Variants in SEM1 observed in about 807,000 individuals in gnomAD.
The protein encoded by SEM1 is SEM1 26S proteasome subunit, also known as 26S proteasome complex subunit SEM1.
SEM1 carries 3 observed loss-of-function variants against 12.7 expected under a neutral mutation model. That is an observed-to-expected ratio of 0.24 (90% CI 0.11 to 0.61). The LOEUF (loss-of-function observed/expected upper bound fraction) is 0.61. Among genes scored for constraint, SEM1 ranks in the 20% least tolerant of loss-of-function variants. The pLI, the probability that SEM1 is intolerant of heterozygous loss-of-function variation, is 0.88. For missense variants in SEM1, 59 were observed against 81.3 expected, an observed-to-expected ratio of 0.73 and a Z score of 1.06; for synonymous variants, 30 against 27.8, an observed-to-expected ratio of 1.08 and a Z score of -0.25.
intron 2 of SEM1, among the ~76,000 whole-genome samples, chr7:96,661,610 G>A (rs1789003022): frequency 6.6e-6 from 1 of 151,938 alleles, no homozygotes; most frequent in Non-Finnish European, 1.5e-5. Context: ...AAGAGAGAAA[G>A]ACCCACAAAA....
At chr7:96,556,860 TC>T (rs1256606730) in intron 2 of SEM1, among the ~76,000 whole-genome samples, 2 of 130,852 alleles carry the variant, frequency 1.5e-5, no homozygotes, top group African/African-American at 5.7e-5. Context: ...TTTCACATAG[TC>T]CCATATTTCT....
chr7:96,703,483 A>G (rs1385748700), intron 1 of SEM1, among the ~76,000 whole-genome samples: 1 of 152,208 alleles, frequency 6.6e-6, no homozygotes, highest in Non-Finnish European at 1.5e-5. Flanking sequence ...ATAAAAAATG[A>G]GTCTGCCAAT....
chr7:96,499,930 A>G (rs1158887193), upstream of SEM1, among the ~76,000 whole-genome samples: 2 of 152,178 alleles, frequency 1.3e-5, no homozygotes, highest in Non-Finnish European at 2.9e-5. Context: ...ATCACCATCA[A>G]CACATATTTT....
chr7:96,523,045 C>T (rs1804336892), intron 2 of SEM1, among the ~76,000 whole-genome samples: 2 of 152,100 alleles, frequency 1.3e-5, no homozygotes, highest in Non-Finnish European at 2.9e-5. Context: ...TGTGGCTCAG[C>T]TTTGTGTTAT....
chr7:96,513,350 C>G (rs1803990289), intron 2 of SEM1, among the ~76,000 whole-genome samples: 1 of 152,064 alleles, frequency 6.6e-6, no homozygotes, highest in Non-Finnish European at 1.5e-5. Flanking sequence ...TTAAGCCACC[C>G]AGTTTGTGGT....
At chr7:96,506,556 A>G (rs1398042228) in intron 3 of SEM1, 2 of 152,116 alleles carry the variant, frequency 1.3e-5, no homozygotes, top group Non-Finnish European at 2.9e-5. Flanking sequence ...GTCCAGTCCT[A>G]TAAGTTATTA....
At chr7:96,671,707 C>A (rs1181993715), downstream of SEM1, among the ~76,000 whole-genome samples, 1 of 152,068 alleles carries the variant, frequency 6.6e-6, no homozygotes, top group African/African-American at 2.4e-5. Context: ...AGCATCCTAC[C>A]CTGGAGAAAC....
intron 2 of SEM1, among the ~76,000 whole-genome samples, chr7:96,646,743 A>T (rs1808805985): frequency 6.6e-6 from 1 of 152,196 alleles, no homozygotes; most frequent in Admixed American, 6.5e-5. Context: ...TATATACTTG[A>T]GAGATAGCTA....
chr7:96,641,092 T>A (rs1808576284), intron 2 of SEM1, among the ~76,000 whole-genome samples: 1 of 151,670 alleles, frequency 6.6e-6, no homozygotes. Context: ...TTTTTCAATT[T>A]TTTCAATATT....
In SEM1 at chr7:96,585,839, G is replaced by A. The variant is rs565976527; in HGVS notation, c.171-79141C>T. 9.7e-4 allele frequency among the ~76,000 whole-genome samples: 148 copies of A among 152,232 alleles called. 1 individual carries two copies. In the South Asian group the frequency reaches 0.019, roughly 19 times the overall value. On this transcript the variant is annotated intron_variant and NMD_transcript_variant, in intron 2 of 3. Coordinates refer to the SEM1 transcript ENST00000466986. ...CCCTGCTTCGGCTTGCACACGGTGC[G>A]CGCACCCACTGACCTGCGCCCACTG... is the stretch of plus-strand genomic sequence containing the variant.
chr7:96,666,977 C>T (rs1254258192), intron 2 of SEM1, among the ~76,000 whole-genome samples: 1 of 152,074 alleles, frequency 6.6e-6, no homozygotes, highest in Non-Finnish European at 1.5e-5. Flanking sequence ...TTACTTCTGC[C>T]AAGTAAAAGC....
chr7:96,694,710 T>C (rs924709343), intron 2 of SEM1, 88 bp downstream of exon 2: 3 of 859,320 alleles, frequency 3.5e-6, no homozygotes, highest in Non-Finnish European at 5.7e-6. Context: ...ATTAAGTAGC[T>C]TTTAAGAGGT....
chr7:96,679,444 A>G (rs1309040171), intron 2 of SEM1, among the ~76,000 whole-genome samples: 2 of 152,078 alleles, frequency 1.3e-5, no homozygotes, highest in Admixed American at 1.3e-4. Context: ...TATGAACCCT[A>G]ACATAGACAA....
intron 2 of SEM1, among the ~76,000 whole-genome samples, chr7:96,611,330 T>C (rs764474751): frequency 3.9e-5 from 6 of 152,196 alleles, no homozygotes; most frequent in Non-Finnish European, 1.5e-5. Context: ...GTTGACAGTT[T>C]ATTGGATAAA....
At position 96,649,388 on chromosome 7, in the gene SEM1, T is replaced by C. The variant is rs574074783; in HGVS notation, c.171-26745A>G. On this transcript the variant is annotated intron_variant, in intron 2 of 2. Coordinates refer to the SEM1 transcript ENST00000417009. ...CTGTGGTGAAAAAATTTGGAGAGGG[T>C]AGAAAATTAAGGTAATTTTTCTGAG... 3 of 152,226 alleles carry C rather than the reference T, an allele frequency of 2.0e-5. No individual in the cohort carries two copies. The South Asian group carries it at 6.2e-4, about 32-fold the overall frequency. 9.4% of individuals were successfully genotyped at this position (152,226 alleles called of 1,614,324 possible). A position where few individuals can be genotyped will look rare whatever the true frequency, so the allele number is the denominator to read the frequency against.
At chr7:96,605,142 C>T (rs1807307686) in intron 2 of SEM1, among the ~76,000 whole-genome samples, 1 of 151,984 alleles carries the variant, frequency 6.6e-6, no homozygotes, top group Non-Finnish European at 1.5e-5. Flanking sequence ...TTTAATAACC[C>T]TTCTAAACTC....
chr7:96,513,664 A>G (rs1038612620), intron 2 of SEM1, among the ~76,000 whole-genome samples: 1 of 151,970 alleles, frequency 6.6e-6, no homozygotes, highest in Admixed American at 6.6e-5. Flanking sequence ...CCCCATCTCT[A>G]CCAAAAATAC....
intron 2 of SEM1, among the ~76,000 whole-genome samples, chr7:96,592,134 A>AG (rs1484136474): frequency 6.6e-6 from 1 of 152,052 alleles, no homozygotes; most frequent in African/African-American, 2.4e-5. Flanking sequence ...GGGGAGAAAG[A>AG]GTCCCAGAAA....
intron 2 of SEM1, among the ~76,000 whole-genome samples, chr7:96,659,384 C>A (rs1788909037): frequency 6.6e-6 from 1 of 152,142 alleles, no homozygotes; most frequent in South Asian, 2.1e-4. Flanking sequence ...ATACTCTCAG[C>A]ATAACTGTAT....
Sources: allele counts gnomAD v4.1 joint callset (sites outside exome capture counted in the v4.1 genomes callset), GRCh38; gene constraint gnomAD v4.1.1; transcripts MANE v1.5; gene names NCBI Gene and HGNC (gene_info 2026-07-23, HGNC 2026-07-21).